Variants in GTF2A1L observed in about 807,000 individuals in gnomAD.
GTF2A1L encodes TFIIA-alpha and beta-like factor.
In GTF2A1L, 48 loss-of-function variants were observed where a neutral mutation model predicts 49.7. The ratio of observed to expected loss-of-function variants is 0.97; its 90% CI spans 0.77 to 1.23. The LOEUF (loss-of-function observed/expected upper bound fraction) is 1.23, where lower values mean the gene tolerates loss of function less well. Among genes scored for constraint, GTF2A1L ranks in the 50% most tolerant of loss-of-function variants. The pLI is 0.00. For missense variants in GTF2A1L, 736 were observed against 564.8 expected (o/e 1.30, Z -3.07); for synonymous variants, 246 against 193.5 (o/e 1.27, Z -2.25).
At chr2:48,632,969 G>A (rs1435960185) in intron 3 of GTF2A1L, 1 of 212,220 alleles carries the variant, frequency 4.7e-6, no homozygotes, top group Non-Finnish European at 1.0e-5. Flanking sequence ...AAAACTGGTA[G>A]TTGTTGAAAT....
At chr2:48,671,467 G>A in intron 7 of GTF2A1L, 124 bp from the exon 8 acceptor site, 3 of 940,642 alleles carry the variant, frequency 3.2e-6, no homozygotes, top group Admixed American at 2.7e-5. Flanking sequence ...GCCTCCCGTA[G>A]TGCTGGGATT....
chr2:48,625,614 G>T (rs1159375287), intron 3 of GTF2A1L, among the ~76,000 whole-genome samples: 1 of 142,464 alleles, frequency 7.0e-6, no homozygotes, highest in African/African-American at 2.5e-5. Context: ...GGAGGGTCTT[G>T]CTCTGTCATC....
intron 6 of GTF2A1L, 102 bp downstream of exon 6, chr2:48,647,144 A>G (rs1235259175): frequency 2.2e-5 from 24 of 1,109,114 alleles, no homozygotes; most frequent in Non-Finnish European, 2.8e-5. Context: ...AGAATTATAT[A>G]TATTTTGTTT....
At chr2:48,633,536 T>C (rs867186503) in intron 3 of GTF2A1L, among the ~76,000 whole-genome samples, 8 of 152,190 alleles carry the variant, frequency 5.3e-5, no homozygotes, top group Non-Finnish European at 7.3e-5. Flanking sequence ...TTTGAACTTA[T>C]TGAGATTTGC....
intron 7 of GTF2A1L, among the ~76,000 whole-genome samples, chr2:48,671,191 A>G (rs1558772618): frequency 6.6e-6 from 1 of 150,484 alleles, no homozygotes; most frequent in Admixed American, 6.6e-5. Context: ...AGGTTCCTTT[A>G]TTTCTTTGTT....
intron 6 of GTF2A1L, among the ~76,000 whole-genome samples, chr2:48,654,485 C>T (rs1448754547): frequency 4.6e-5 from 7 of 151,876 alleles, no homozygotes; most frequent in Non-Finnish European, 7.4e-5. Context: ...TGGGTTCAAG[C>T]GATTCTCCTG....
At chr2:48,618,105 C>T (rs1675767207) in intron 1 of GTF2A1L, 1 of 547,676 alleles carries the variant, frequency 1.8e-6, no homozygotes, top group Non-Finnish European at 3.2e-6. Context: ...CCAGCCCCGC[C>T]AAAAGAACAA....
intron 7 of GTF2A1L, among the ~76,000 whole-genome samples, chr2:48,670,897 C>T (rs1572776571): frequency 6.6e-6 from 1 of 152,042 alleles, no homozygotes; most frequent in African/African-American, 2.4e-5. Context: ...GATCTTGACT[C>T]ACTGCAACCT....
intron 6 of GTF2A1L, chr2:48,647,262 AGATC>A: frequency 2.3e-6 from 1 of 435,262 alleles, no homozygotes; most frequent in East Asian, 3.8e-5. Flanking sequence ...TTAAGTGTAC[AGATC>A]AGTAGTGTTA....
Position 48,646,491 on chromosome 2 carries a change from G to T in GTF2A1L, c.427G>T (p.Glu143Ter). The change falls in exon 6 of 9, where the codon GAG becomes TAG. Residue 143 changes from glutamate (E) to a stop codon, truncating the protein, a stop_gained. Transcript: ENST00000403751. LOFTEE classifies it high-confidence loss of function. ...YKVNVPIMVTETSGRAGILQH... is the reference protein window; with the variant it reads ...YKVNVPIMVT The stretch of plus-strand genomic sequence containing the variant: ...AGTCAATGTACCAATTATGGTGACA[G>T]AGACTTCTGGAAGAGCAGGTATTCT... The T allele has an allele frequency of 6.2e-7, 1 of 1,613,192 alleles. No individual in the cohort carries two copies. The highest frequency in any genetic ancestry group is 8.5e-7 in the Non-Finnish European group (1 of 1,179,782).
intron 8 of GTF2A1L, among the ~76,000 whole-genome samples, chr2:48,679,133 C>G (rs545838726): frequency 3.3e-5 from 5 of 151,634 alleles, no homozygotes; most frequent in Non-Finnish European, 7.4e-5. Flanking sequence ...GTATCTTAAA[C>G]TAATATATTT....
rs117919231 is a variant in GTF2A1L at position 48,678,172 on chromosome 2, T to C, written c.1330-1163T>C. On this transcript the variant is annotated intron_variant, in intron 8 of 8. Coordinates refer to ENST00000403751, the MANE Select transcript of GTF2A1L (RefSeq NM_006872.5). The stretch of plus-strand genomic sequence containing the variant: ...TAAGTTCCTAACATTGAACTATTGT[T>C]GTATATCTAGAAAAAATATAGTCAC... 6.3e-4 allele frequency among the ~76,000 whole-genome samples: 96 copies of C among 152,132 alleles called. No homozygotes were observed. The East Asian group carries it at 0.017, about 26-fold the overall frequency.
intron 5 of GTF2A1L, 124 bp downstream of exon 5, chr2:48,645,241 T>C: frequency 3.4e-6 from 3 of 889,760 alleles, no homozygotes; most frequent in Non-Finnish European, 4.9e-6. Context: ...AAAATTGATT[T>C]TAAAAGTAAT....
intron 3 of GTF2A1L, among the ~76,000 whole-genome samples, chr2:48,637,885 T>A (rs920268550): frequency 2.0e-5 from 3 of 151,804 alleles, no homozygotes; most frequent in African/African-American, 7.3e-5. Context: ...CAACTAGAAA[T>A]GAAGGGAGTG....
chr2:48,666,584 G>GGGGT (rs1553380598), intron 6 of GTF2A1L, among the ~76,000 whole-genome samples: 2 of 147,138 alleles, frequency 1.4e-5, no homozygotes, highest in Admixed American at 1.4e-4. Context: ...AACTTGTCAG[G>GGGGT]GTGTGTGTGT....
intron 6 of GTF2A1L, among the ~76,000 whole-genome samples, chr2:48,655,793 TC>T (rs1200007738): frequency 6.6e-6 from 1 of 152,070 alleles, no homozygotes; most frequent in Admixed American, 6.6e-5. Flanking sequence ...CCACCACCCA[TC>T]TCTAGAAATT....
Position 48,679,337 on chromosome 2 carries a change from T to A in GTF2A1L, c.1332T>A (p.Ile444=). The change falls in exon 9 of 9, where the codon ATT becomes ATA. Residue 444 remains isoleucine (I), a splice_region_variant and synonymous_variant. Transcript: ENST00000403751. ...DNVIVCQYDK[I]HRSKNKWKFY... ...GTAAACTACTTTTCTCCCTCCAGAT[T>A]CATCGAAGCAAGAACAAATGGAAAT... 6.2e-7 allele frequency: 1 copy of A among 1,608,090 alleles called. No individual in the cohort carries two copies. Among genetic ancestry groups the A allele is most frequent in the Non-Finnish European group, 8.5e-7 (1 of 1,178,074 alleles).
chr2:48,620,170 G>A (rs1300189244), intron 1 of GTF2A1L, among the ~76,000 whole-genome samples: 2 of 152,100 alleles, frequency 1.3e-5, no homozygotes, highest in South Asian at 2.1e-4. Flanking sequence ...GAAAACAGAA[G>A]GTCTATTTCT....
chr2:48,651,953 A>ATCCATAAC (rs1677875098), intron 6 of GTF2A1L, among the ~76,000 whole-genome samples: 1 of 152,154 alleles, frequency 6.6e-6, no homozygotes, highest in Non-Finnish European at 1.5e-5. Flanking sequence ...TCAGTTATGG[A>ATCCATAAC]TGTTGCTGTA....
Sources: allele counts gnomAD v4.1 joint callset (sites outside exome capture counted in the v4.1 genomes callset), GRCh38; gene constraint gnomAD v4.1.1; transcripts MANE v1.5; gene names NCBI Gene and HGNC (gene_info 2026-07-23, HGNC 2026-07-21).